The following DDX50 variants were observed in gnomAD, a reference collection of about 807,000 sequenced individuals.
The protein encoded by DDX50 is ATP-dependent RNA helicase DDX50.
Under a neutral mutation model 94.8 loss-of-function variants are expected in DDX50, and 56 were observed. The observed-to-expected ratio is 0.59, with a 90% CI of 0.48 to 0.74. The LOEUF (loss-of-function observed/expected upper bound fraction) is 0.74. DDX50 is among the 30% of genes least tolerant of loss of function. The pLI is 0.00. For missense variants in DDX50, 713 were observed against 881.2 expected (o/e 0.81, Z 2.42); for synonymous variants, 264 against 295.4 (o/e 0.89, Z 1.09).
chr10:68,936,803 T>C, intron 11 of DDX50, 133 bp from the exon 12 acceptor site: 1 of 826,012 alleles, frequency 1.2e-6, no homozygotes. Flanking sequence ...ATCGTGCCAG[T>C]GCGCTCCAGA....
intron 10 of DDX50, among the ~76,000 whole-genome samples, chr10:68,935,245 A>C (rs1006353764): frequency 2.0e-5 from 3 of 152,202 alleles, no homozygotes; most frequent in Non-Finnish European, 4.4e-5. Context: ...GATTCTTTTA[A>C]GTATGGTACA....
At position 68,946,833 on chromosome 10, in the gene DDX50, TA is replaced by T; in HGVS notation, c.*204del. On this transcript the variant is annotated 3_prime_UTR_variant, in exon 15 of 15. Transcript: ENST00000373585. ...ACCTTTGAATAAAAAAACCTCCTTT[TA>T]TTGTCTCTTTTCACTTATGTGTTAA... is the stretch of plus-strand genomic sequence containing the variant. The T allele has an allele frequency of 1.6e-6, 1 of 641,912 alleles. No individual in the cohort carries two copies. Among genetic ancestry groups the T allele is most frequent in the Non-Finnish European group, 2.5e-6 (1 of 393,476 alleles). 39.8% of individuals were successfully genotyped at this position (641,912 alleles called of 1,614,324 possible).
chr10:68,920,455 C>A (rs1841911424), intron 8 of DDX50, among the ~76,000 whole-genome samples: 1 of 152,106 alleles, frequency 6.6e-6, no homozygotes, highest in African/African-American at 2.4e-5. Context: ...TGTGAGCCAT[C>A]ACACCTGACC....
intron 1 of DDX50, among the ~76,000 whole-genome samples, chr10:68,902,622 AT>A (rs2132016531): frequency 6.6e-6 from 1 of 152,224 alleles, no homozygotes; most frequent in East Asian, 1.9e-4. Flanking sequence ...CTCACTTCTC[AT>A]TCCTCTCTCC....
chr10:68,908,486 G>C (rs977806506), intron 2 of DDX50, among the ~76,000 whole-genome samples: 1 of 148,488 alleles, frequency 6.7e-6, no homozygotes, highest in Admixed American at 6.7e-5. Context: ...ATTATAAAAT[G>C]GTATATACAG....
In DDX50 at chr10:68,933,934, T is replaced by TA. The variant is rs202073299; in HGVS notation, c.1240-250dup. Among the ~76,000 whole-genome samples, 186 of 135,818 alleles carry TA rather than the reference T, an allele frequency of 1.4e-3. 1 individual carries two copies. The highest frequency in any genetic ancestry group is 9.1e-3 in the South Asian group (39 of 4,280). 89.1% of individuals were successfully genotyped at this position (135,818 alleles called of 152,430 possible). On this transcript the variant is annotated intron_variant, in intron 8 of 14. Coordinates refer to ENST00000373585, the MANE Select transcript of DDX50 (RefSeq NM_024045.2). ...TGGGCAATAAGAGCAAAACTCTGTCTAAAAAAAAAAAAAAATCTGACAGAA... is the reference window on the plus strand; with the variant it reads ...TGGGCAATAAGAGCAAAACTCTGTCTAAAAAAAAAAAAAAAATCTGACAGAA...
intron 12 of DDX50, among the ~76,000 whole-genome samples, chr10:68,940,695 G>A (rs1230686786): frequency 6.6e-6 from 1 of 152,106 alleles, no homozygotes; most frequent in Admixed American, 6.6e-5. Context: ...TGAGATTACA[G>A]GTGTGAGCCA....
In DDX50 at chr10:68,934,146, A is replaced by G. The variant is rs1445008935; in HGVS notation, c.1240-53A>G. ...AGCACAGACTAGATGTTGTTGTGCT[A>G]TCAGTTGCAAGTATGAGCTGTACAC... On this transcript the variant is annotated intron_variant, in intron 8 of 14. Coordinates refer to ENST00000373585, the MANE Select transcript of DDX50 (RefSeq NM_024045.2). The surrounding 1 kb of genome is among the most constrained non-coding windows in gnomAD (Gnocchi z 4.0). 2.6e-6 allele frequency: 4 copies of G among 1,538,850 alleles called. No individual in the cohort carries two copies. Among genetic ancestry groups the G allele is most frequent in the East Asian group, 4.6e-5 (2 of 43,634 alleles).
chr10:68,927,101 A>G (rs547120644), intron 8 of DDX50, among the ~76,000 whole-genome samples: 1 of 152,142 alleles, frequency 6.6e-6, no homozygotes, highest in East Asian at 1.9e-4. Flanking sequence ...TTGTAGAGAC[A>G]GGGTCTCCTT....
chr10:68,937,393 G>T (rs895816718), intron 12 of DDX50, among the ~76,000 whole-genome samples: 1 of 60,490 alleles, frequency 1.7e-5, no homozygotes, highest in African/African-American at 3.5e-5. Context: ...GCTCTAATTT[G>T]TAATTAAAAA....
intron 7 of DDX50, among the ~76,000 whole-genome samples, chr10:68,917,563 A>G (rs182681142): frequency 1.9e-4 from 29 of 152,172 alleles, no homozygotes; most frequent in Non-Finnish European, 2.6e-4. Flanking sequence ...TACTGTTAAC[A>G]CCACTCAAAG....
chr10:68,939,145 A>AT (rs1359132749), intron 12 of DDX50, among the ~76,000 whole-genome samples: 1 of 152,184 alleles, frequency 6.6e-6, no homozygotes, highest in East Asian at 1.9e-4. Flanking sequence ...GTAATGCTTA[A>AT]TTTGCATTTG....
At chr10:68,937,223 C>T in intron 12 of DDX50, 128 bp downstream of exon 12, 1 of 1,001,908 alleles carries the variant, frequency 1.0e-6, no homozygotes, top group Non-Finnish European at 1.4e-6. Context: ...AACTGGTCTC[C>T]TTATTTTCCT....
At chr10:68,921,416 C>T (rs1004483390) in intron 8 of DDX50, among the ~76,000 whole-genome samples, 1 of 152,042 alleles carries the variant, frequency 6.6e-6, no homozygotes, top group Non-Finnish European at 1.5e-5. Context: ...ACTACATTGC[C>T]ATAAATCTAG....
intron 10 of DDX50, among the ~76,000 whole-genome samples, chr10:68,935,144 T>C (rs987396580): frequency 1.3e-5 from 2 of 152,020 alleles, no homozygotes; most frequent in African/African-American, 4.8e-5. Context: ...CTTGAATTTC[T>C]CTCTTCATAC....
At chr10:68,929,297 C>T (rs1032164475) in intron 8 of DDX50, among the ~76,000 whole-genome samples, 17 of 102,652 alleles carry the variant, frequency 1.7e-4, no homozygotes, top group South Asian at 6.2e-4. Flanking sequence ...TCCTTCCTCT[C>T]TCTCTCTCTC....
In DDX50 at chr10:68,946,556, C is replaced by T. The variant is rs745657884; in HGVS notation, c.2140C>T (p.Arg714Ter). The T allele has an allele frequency of 1.9e-6, 3 of 1,614,148 alleles. No homozygotes were observed. The highest frequency in any genetic ancestry group is 2.2e-5 in the East Asian group (1 of 44,880). ...TCGACAAGGAAGTCGCTCAGGAAGTCGACAAGATGGTAGAAGACGAAGTGG... is the reference window on the plus strand; with the variant it reads ...TCGACAAGGAAGTCGCTCAGGAAGTTGACAAGATGGTAGAAGACGAAGTGG... ...QSRQGSRSGS[R>*]QDGRRRSGNR... Residue 714 changes from arginine (R) to a stop codon, truncating the protein, a stop_gained, in exon 15 of 15, where the codon CGA becomes TGA. Transcript: ENST00000373585. LOFTEE classifies it high-confidence loss of function.
chr10:68,923,265 C>T (rs1359789177), intron 8 of DDX50, among the ~76,000 whole-genome samples: 1 of 145,914 alleles, frequency 6.9e-6, no homozygotes, highest in Non-Finnish European at 1.5e-5. Flanking sequence ...GGCTCAAGTG[C>T]AGTGGCATGA....
At chr10:68,918,506 G>T (rs982271934) in intron 7 of DDX50, among the ~76,000 whole-genome samples, 4 of 135,556 alleles carry the variant, frequency 3.0e-5, no homozygotes, top group Non-Finnish European at 6.1e-5. Context: ...CCTAATTTTG[G>T]CTCACTGCAA....
Sources: allele counts gnomAD v4.1 joint callset (sites outside exome capture counted in the v4.1 genomes callset), GRCh38; gene constraint gnomAD v4.1.1; non-coding constraint Gnocchi (gnomAD v3.1); transcripts MANE v1.5; gene names NCBI Gene and HGNC (gene_info 2026-07-23, HGNC 2026-07-21).